Variants in GRIN3A observed in about 807,000 individuals in gnomAD.
The protein encoded by GRIN3A is glutamate ionotropic receptor NMDA type subunit 3A, also known as glutamate receptor ionotropic, NMDA 3A.
A neutral mutation model predicts 92.4 loss-of-function variants in GRIN3A; 47 were observed. The observed-to-expected ratio is 0.51, with a 90% CI of 0.40 to 0.65. GRIN3A has a LOEUF of 0.65. GRIN3A is among the 30% of genes least tolerant of loss of function. The probability of loss-of-function intolerance (pLI) is 0.00; values close to 1 mark genes in which losing one functional copy is unlikely to be tolerated. For missense variants in GRIN3A, 1,324 were observed against 1,393.1 expected, an observed-to-expected ratio of 0.95 and a Z score of 0.79; for synonymous variants, 527 against 540.6, an observed-to-expected ratio of 0.97 and a Z score of 0.35.
At chr9:101,581,676 C>A (rs1007977158) in intron 6 of GRIN3A, among the ~76,000 whole-genome samples, 3 of 152,132 alleles carry the variant, frequency 2.0e-5, no homozygotes, top group African/African-American at 4.8e-5. Flanking sequence ...GGGGAATACA[C>A]TTCTCTTCTT....
intron 1 of GRIN3A, among the ~76,000 whole-genome samples, chr9:101,702,028 G>A (rs529846811): frequency 5.9e-5 from 9 of 151,964 alleles, no homozygotes; most frequent in South Asian, 2.1e-4. Flanking sequence ...TTCGCTGGGC[G>A]TGGTGGCTAA....
At chr9:101,610,569 G>GCATC (rs573530510) in intron 6 of GRIN3A, among the ~76,000 whole-genome samples, 171 of 140,148 alleles carry the variant, frequency 1.2e-3, no homozygotes, top group African/African-American at 4.1e-3. Flanking sequence ...TGACCAGCTT[G>GCATC]CATCCATCTA....
intron 2 of GRIN3A, among the ~76,000 whole-genome samples, chr9:101,674,824 A>G (rs1250843109): frequency 6.6e-6 from 1 of 152,048 alleles, no homozygotes; most frequent in Non-Finnish European, 1.5e-5. Context: ...TAGTAAGCAT[A>G]ATAATCGGAT....
At chr9:101,688,468 G>A (rs1021622801) in intron 1 of GRIN3A, among the ~76,000 whole-genome samples, 3 of 152,106 alleles carry the variant, frequency 2.0e-5, no homozygotes, top group Admixed American at 2.0e-4. Flanking sequence ...AAGCTTTTGA[G>A]CAAAGCTTGT....
At chr9:101,634,725 C>G (rs1828762292) in intron 3 of GRIN3A, among the ~76,000 whole-genome samples, 1 of 152,146 alleles carries the variant, frequency 6.6e-6, no homozygotes, top group South Asian at 2.1e-4. Context: ...ACCTATCCAA[C>G]TAATAAATAC....
At chr9:101,647,878 T>C (rs74964234) in intron 3 of GRIN3A, among the ~76,000 whole-genome samples, 5,020 of 152,010 alleles carry the variant, frequency 0.033, 261 homozygotes, top group African/African-American at 0.11. Flanking sequence ...CTTCTTTCTT[T>C]TTTCTTAGTT....
chr9:101,587,428 A>G (rs550917632), intron 6 of GRIN3A, among the ~76,000 whole-genome samples: 1 of 152,168 alleles, frequency 6.6e-6, no homozygotes, highest in African/African-American at 2.4e-5. Context: ...TTTGAGATAG[A>G]CTGTATCCTG....
intron 5 of GRIN3A, among the ~76,000 whole-genome samples, chr9:101,614,950 A>G (rs1479867234): frequency 6.6e-6 from 1 of 151,978 alleles, no homozygotes; most frequent in African/African-American, 2.4e-5. Context: ...AACAAAACCA[A>G]GGATAAAATA....
rs140241163 is a variant in GRIN3A at position 101,609,163 on chromosome 9, T to C, written c.2766+4213A>G. 2.2e-3 allele frequency among the ~76,000 whole-genome samples: 328 copies of C among 152,338 alleles called. 1 individual carries two copies. Among genetic ancestry groups the C allele is most frequent in the Non-Finnish European group, 3.3e-3 (226 of 68,024 alleles). ...AATGAATCATGATTGGCCTAATCCA[T>C]CATGGTGAACCCATTCCCTCACCAA... On this transcript the variant is annotated intron_variant, in intron 6 of 8. Transcript: ENST00000361820.
At position 101,571,541 on chromosome 9, in the gene GRIN3A, A is replaced by G. The variant is rs1588231697; in HGVS notation, c.*1633T>C. 6.6e-6 allele frequency: 1 copy of G among 152,194 alleles called. No individual in the cohort carries two copies. The highest frequency in any genetic ancestry group is 1.5e-5 in the Non-Finnish European group (1 of 68,060). The allele number at this position is 152,194 out of a possible 1,614,324, so 9.4% of individuals were successfully genotyped here. A position where few individuals can be genotyped will look rare whatever the true frequency, so the allele number is the denominator to read the frequency against. On this transcript the variant is annotated 3_prime_UTR_variant, in exon 9 of 9. Transcript: ENST00000361820. ...GAGTCCTGAGAAGATAAATCAAGTA[A>G]TTGATAAATAAGGAAGTCTTGTCCT...
intron 5 of GRIN3A, among the ~76,000 whole-genome samples, chr9:101,617,066 G>A (rs1270435841): frequency 6.7e-5 from 10 of 150,230 alleles, no homozygotes; most frequent in African/African-American, 9.9e-5. Flanking sequence ...CGGGCGTGGT[G>A]GCGGGCGCCT....
intron 3 of GRIN3A, among the ~76,000 whole-genome samples, chr9:101,644,970 T>G (rs1828917689): frequency 6.6e-6 from 1 of 151,988 alleles, no homozygotes; most frequent in Non-Finnish European, 1.5e-5. Flanking sequence ...GATTAGGATA[T>G]TAATCATCTC....
At chr9:101,674,929 G>A (rs188372443) in intron 2 of GRIN3A, among the ~76,000 whole-genome samples, 1 of 151,946 alleles carries the variant, frequency 6.6e-6, no homozygotes, top group African/African-American at 2.4e-5. Context: ...TATGACATTG[G>A]ATTTTATTTT....
In GRIN3A at chr9:101,621,296, AAAC is replaced by A. The variant is rs1218015150; in HGVS notation, c.2614+2019_2614+2021del. ...TGAGACTCAGTCTCAAAAAAAAAAAAAACAATTTGTGAAATTCATATTTTTAAG... is the reference window on the plus strand; with the variant it reads ...TGAGACTCAGTCTCAAAAAAAAAAAAAATTTGTGAAATTCATATTTTTAAG... On this transcript the variant is annotated intron_variant, in intron 5 of 8. Transcript: ENST00000361820. 1.6e-3 allele frequency among the ~76,000 whole-genome samples: 240 copies of A among 151,978 alleles called. 3 individuals are homozygous for A. The highest frequency in any genetic ancestry group is 5.5e-3 in the African/African-American group (226 of 41,320).
intron 3 of GRIN3A, among the ~76,000 whole-genome samples, chr9:101,651,821 G>T (rs776292697): frequency 6.6e-6 from 1 of 151,928 alleles, no homozygotes; most frequent in Non-Finnish European, 1.5e-5. Context: ...TTATTTTAAA[G>T]ATATATATCA....
intron 6 of GRIN3A, among the ~76,000 whole-genome samples, chr9:101,579,828 T>C (rs1827867441): frequency 6.6e-6 from 1 of 152,168 alleles, no homozygotes; most frequent in African/African-American, 2.4e-5. Flanking sequence ...GCTAATCATC[T>C]AAGGCCATAA....
At chr9:101,651,727 T>C (rs1270078097) in intron 3 of GRIN3A, among the ~76,000 whole-genome samples, 2 of 151,896 alleles carry the variant, frequency 1.3e-5, no homozygotes, top group Non-Finnish European at 2.9e-5. Context: ...TATAAGTCTG[T>C]AAATTTTATA....
intron 1 of GRIN3A, among the ~76,000 whole-genome samples, chr9:101,718,880 C>T (rs1042417580): frequency 5.9e-5 from 9 of 152,108 alleles, no homozygotes; most frequent in Non-Finnish European, 1.3e-4. Flanking sequence ...TAGTTAATTT[C>T]TATTTATGGC....
chr9:101,649,896 A>C (rs1828990589), intron 3 of GRIN3A, among the ~76,000 whole-genome samples: 1 of 152,124 alleles, frequency 6.6e-6, no homozygotes, highest in South Asian at 2.1e-4. Context: ...AGTGTAGTGC[A>C]TTTTGTCTGT....
Sources: gnomAD v4.1 joint callset for allele counts (sites outside exome capture counted in the v4.1 genomes callset) on GRCh38, gnomAD v4.1.1 for gene constraint, MANE v1.5 for transcripts, NCBI Gene and HGNC (gene_info 2026-07-23, HGNC 2026-07-21) for gene names.